The following RBFOX1 variants were observed in gnomAD, a reference collection of about 807,000 sequenced individuals.
RBFOX1 encodes the protein RNA binding fox-1 homolog 1.
Under a neutral mutation model 57.7 loss-of-function variants are expected in RBFOX1, and 8 were observed. The ratio of observed to expected loss-of-function variants is 0.14; its 90% confidence interval spans 0.08 to 0.25. The LOEUF (loss-of-function observed/expected upper bound fraction) is 0.25, where lower values mean the gene tolerates loss of function less well. Among genes scored for constraint, RBFOX1 ranks in the 10% least tolerant of loss-of-function variants. RBFOX1 has a pLI of 1.00. For missense variants in RBFOX1, 611 were observed against 548.5 expected, an observed-to-expected ratio of 1.11 and a Z score of -1.14; for synonymous variants, 326 against 222.4, an observed-to-expected ratio of 1.47 and a Z score of -4.15.
chr16:7,289,738 A>G (rs1362984904), intron 4 of RBFOX1, among the ~76,000 whole-genome samples: 1 of 152,200 alleles, frequency 6.6e-6, no homozygotes, highest in Non-Finnish European at 1.5e-5. Context: ...GGTTGCACCA[A>G]GAAATTTAGT....
chr16:5,398,567 C>CGTGTGT (rs141831881), intron 1 of RBFOX1, among the ~76,000 whole-genome samples: 6 of 148,888 alleles, frequency 4.0e-5, no homozygotes, highest in East Asian at 2.0e-4. Context: ...TGCATCTGTA[C>CGTGTGT]GTGTGTGTGT....
At chr16:7,051,950 A>T (rs74186980) in intron 3 of RBFOX1, 107 bp from the exon 4 acceptor site, 1 of 1,471,926 alleles carries the variant, frequency 6.8e-7, no homozygotes, top group Non-Finnish European at 9.2e-7. Flanking sequence ...TTAATTAATT[A>T]TGGGTTTTCT....
chr16:7,681,051 C>A (rs1186846092), intron 14 of RBFOX1, among the ~76,000 whole-genome samples: 2 of 152,122 alleles, frequency 1.3e-5, no homozygotes, highest in Non-Finnish European at 1.5e-5. Flanking sequence ...ATATGACATT[C>A]ATAACCTATG....
At chr16:5,273,319 A>G (rs1421014345) in intron 1 of RBFOX1, among the ~76,000 whole-genome samples, 1 of 152,018 alleles carries the variant, frequency 6.6e-6, no homozygotes, top group Non-Finnish European at 1.5e-5. Context: ...TACAGACACT[A>G]ATAGCACCTA....
At chr16:6,527,739 C>G (rs904117492) in intron 2 of RBFOX1, among the ~76,000 whole-genome samples, 31 of 152,034 alleles carry the variant, frequency 2.0e-4, no homozygotes, top group African/African-American at 7.5e-4. Context: ...ACCCTAAACC[C>G]AGAGTGTTTT....
At chr16:7,420,018 A>G (rs935003451) in intron 4 of RBFOX1, among the ~76,000 whole-genome samples, 1 of 150,320 alleles carries the variant, frequency 6.7e-6, no homozygotes, top group Non-Finnish European at 1.5e-5. Flanking sequence ...GAATGAAATC[A>G]TTAGTGATAT....
At chr16:6,751,500 G>A (rs1183433653) in intron 3 of RBFOX1, among the ~76,000 whole-genome samples, 1 of 152,174 alleles carries the variant, frequency 6.6e-6, no homozygotes, top group Non-Finnish European at 1.5e-5. Context: ...GCAACTCTTT[G>A]CCTCACTTGT....
intron 3 of RBFOX1, among the ~76,000 whole-genome samples, chr16:6,714,135 C>G (rs986527664): frequency 6.6e-6 from 1 of 152,076 alleles, no homozygotes; most frequent in Admixed American, 6.6e-5. Flanking sequence ...GTAGTTTTTC[C>G]TGCACTCTCA....
At chr16:6,876,066 G>A (rs7498577) in intron 3 of RBFOX1, among the ~76,000 whole-genome samples, 35,380 of 151,830 alleles carry the variant, frequency 0.23, 4,260 homozygotes, top group East Asian at 0.28. Flanking sequence ...CTAGCATCTC[G>A]GGGGGCTGAG....
intron 4 of RBFOX1, among the ~76,000 whole-genome samples, chr16:7,283,265 G>T (rs940523658): frequency 3.3e-5 from 5 of 151,532 alleles, no homozygotes; most frequent in Admixed American, 1.3e-4. Flanking sequence ...CTAGTGCTTG[G>T]TCCAGCTTTC....
At chr16:7,180,943 G>T (rs2082578452) in intron 4 of RBFOX1, among the ~76,000 whole-genome samples, 1 of 152,240 alleles carries the variant, frequency 6.6e-6, no homozygotes, top group Non-Finnish European at 1.5e-5. Flanking sequence ...CATACGGTCT[G>T]TGTCACAACT....
At chr16:5,325,765 A>G (rs2064552864) in intron 1 of RBFOX1, among the ~76,000 whole-genome samples, 1 of 152,194 alleles carries the variant, frequency 6.6e-6, no homozygotes, top group Non-Finnish European at 1.5e-5. Flanking sequence ...ACCAATAGTT[A>G]GTCCCTTTAG....
At chr16:7,431,945 C>T (rs1437550581) in intron 4 of RBFOX1, among the ~76,000 whole-genome samples, 1 of 152,240 alleles carries the variant, frequency 6.6e-6, no homozygotes, top group Non-Finnish European at 1.5e-5. Context: ...AGATGATTTT[C>T]TCTGAGGCCT....
chr16:7,638,744 T>C (rs1231732165), intron 11 of RBFOX1, among the ~76,000 whole-genome samples: 1 of 152,132 alleles, frequency 6.6e-6, no homozygotes, highest in Non-Finnish European at 1.5e-5. Flanking sequence ...GACTTCTAGG[T>C]TGAAACATGA....
chr16:6,889,619 G>A (rs1225332137), intron 3 of RBFOX1, among the ~76,000 whole-genome samples: 6 of 152,162 alleles, frequency 3.9e-5, no homozygotes, highest in Non-Finnish European at 8.8e-5. Context: ...GAAGGGAAGA[G>A]TGCCAATCCA....
chr16:7,026,535 A>G (rs2040998252), intron 3 of RBFOX1, among the ~76,000 whole-genome samples: 2 of 151,736 alleles, frequency 1.3e-5, no homozygotes, highest in African/African-American at 4.8e-5. Flanking sequence ...ACACACATAC[A>G]CAATCACAGC....
intron 1 of RBFOX1, among the ~76,000 whole-genome samples, chr16:5,399,967 A>G (rs975231318): frequency 6.6e-6 from 1 of 152,086 alleles, no homozygotes; most frequent in Admixed American, 6.6e-5. Flanking sequence ...TTCCTCGACA[A>G]TAACTTCTGT....
chr16:5,879,043 G>A (rs1227787849), intron 4 of RBFOX1, among the ~76,000 whole-genome samples: 3 of 152,174 alleles, frequency 2.0e-5, no homozygotes, highest in African/African-American at 7.2e-5. Context: ...AAGAATTCTG[G>A]TCCTGTAGCC....
rs544219644 is a variant in RBFOX1, at chr16:6,964,563, A to G, written c.-15-87494A>G. On this transcript the variant is annotated intron_variant, in intron 3 of 15. Transcript: ENST00000550418. The stretch of plus-strand genomic sequence containing the variant: ...GCCTGTGTGGGGCCAGTGAGGGTAT[A>G]TGGGGAATCTCTTTATACTTGCTGA... Among the ~76,000 whole-genome samples the G allele has an allele frequency of 3.9e-5, 6 of 152,258 alleles. No individual in the cohort carries two copies. In the East Asian group the frequency reaches 7.7e-4, roughly 20 times the overall value.
Sources: allele counts gnomAD v4.1 joint callset (sites outside exome capture counted in the v4.1 genomes callset), GRCh38; gene constraint gnomAD v4.1.1; transcripts MANE v1.5; gene names NCBI Gene and HGNC (gene_info 2026-07-23, HGNC 2026-07-21).